The following PPARGC1A variants were observed in gnomAD, a reference collection of about 807,000 sequenced individuals.
The protein encoded by PPARGC1A is peroxisome proliferator-activated receptor gamma coactivator 1-alpha.
PPARGC1A carries 25 observed loss-of-function variants against 88.7 expected under a neutral mutation model. The ratio of observed to expected loss-of-function variants is 0.28; its 90% confidence interval spans 0.21 to 0.39. The LOEUF (loss-of-function observed/expected upper bound fraction) is 0.39, where lower values mean the gene tolerates loss of function less well. Ranked by LOEUF, PPARGC1A falls within the 10% of genes least tolerant of loss-of-function variation. The pLI is 1.00. For synonymous variants in PPARGC1A, 363 were observed against 355.6 expected, an observed-to-expected ratio of 1.02 and a Z score of -0.24; for missense variants, 880 against 968.7, an observed-to-expected ratio of 0.91 and a Z score of 1.22.
At chr4:24,144,182 G>T in the PPARGC1A span, among the ~76,000 whole-genome samples, 1 of 152,204 alleles carries the variant, frequency 6.6e-6, no homozygotes, top group South Asian at 2.1e-4. Flanking sequence ...TCACGGTTTA[G>T]TCCTGTGATG....
chr4:23,826,763 C>T (rs1331425835), intron 5 of PPARGC1A, among the ~76,000 whole-genome samples: 1 of 151,998 alleles, frequency 6.6e-6, no homozygotes, highest in Non-Finnish European at 1.5e-5. Flanking sequence ...TTGTACCTTG[C>T]CACAGATATA....
chr4:24,461,836 C>T, the PPARGC1A span, among the ~76,000 whole-genome samples: 2 of 152,164 alleles, frequency 1.3e-5, no homozygotes, highest in African/African-American at 4.8e-5. Context: ...CCCAGATGCT[C>T]TCCATTTCTT....
chr4:23,812,135 T>C (rs536942800), intron 10 of PPARGC1A, among the ~76,000 whole-genome samples: 3 of 151,868 alleles, frequency 2.0e-5, no homozygotes, highest in Non-Finnish European at 2.9e-5. Flanking sequence ...TGTCGTTTCC[T>C]GTTTCCTATG....
chr4:23,827,565 C>T (rs1025907109), intron 5 of PPARGC1A, among the ~76,000 whole-genome samples: 1 of 152,134 alleles, frequency 6.6e-6, no homozygotes, highest in Non-Finnish European at 1.5e-5. Flanking sequence ...AAGACCACGA[C>T]ATTTTGAGAA....
the PPARGC1A span, among the ~76,000 whole-genome samples, chr4:24,426,813 G>C: frequency 6.6e-6 from 1 of 152,166 alleles, no homozygotes; most frequent in Admixed American, 6.5e-5. Context: ...ATGTACCTTA[G>C]GGCAATAGTT....
At chr4:24,278,558 C>T in the PPARGC1A span, among the ~76,000 whole-genome samples, 1 of 151,796 alleles carries the variant, frequency 6.6e-6, no homozygotes, top group South Asian at 2.1e-4. Flanking sequence ...ATTTTTTTTG[C>T]AAAAAGTTAT....
chr4:24,146,651 T>A, the PPARGC1A span, among the ~76,000 whole-genome samples: 5,317 of 152,254 alleles, frequency 0.035, 316 homozygotes, highest in African/African-American at 0.12. Context: ...ATGCTGCCTA[T>A]ATGAGGCCTG....
chr4:24,012,876 G>T, the PPARGC1A span, among the ~76,000 whole-genome samples: 1 of 152,134 alleles, frequency 6.6e-6, no homozygotes, highest in African/African-American at 2.4e-5. Flanking sequence ...GAGAAACAAG[G>T]TTTTGTGATT....
the PPARGC1A span, among the ~76,000 whole-genome samples, chr4:24,332,781 G>A: frequency 2.6e-5 from 4 of 152,200 alleles, no homozygotes; most frequent in Admixed American, 6.5e-5. Context: ...TAACAGATGC[G>A]ATAGTCTATT....
At chr4:23,926,885 A>G in the PPARGC1A span, among the ~76,000 whole-genome samples, 1 of 152,198 alleles carries the variant, frequency 6.6e-6, no homozygotes, top group Non-Finnish European at 1.5e-5. Flanking sequence ...CAATGAGCTC[A>G]TTGACAGCAG....
intron 2 of PPARGC1A, among the ~76,000 whole-genome samples, chr4:23,874,070 T>C (rs933694018): frequency 6.6e-6 from 1 of 150,820 alleles, no homozygotes; most frequent in African/African-American, 2.5e-5. Flanking sequence ...CTCTCAACAA[T>C]TCTGGGGGAA....
the PPARGC1A span, among the ~76,000 whole-genome samples, chr4:23,930,528 G>A: frequency 2.6e-5 from 4 of 151,958 alleles, no homozygotes; most frequent in African/African-American, 9.7e-5. Context: ...TCAGTTACAA[G>A]GTATAAAAAA....
At chr4:24,400,894 G>C in the PPARGC1A span, among the ~76,000 whole-genome samples, 1 of 151,968 alleles carries the variant, frequency 6.6e-6, no homozygotes, top group Non-Finnish European at 1.5e-5. Flanking sequence ...AGGACAAATG[G>C]AGCATTCTTT....
the PPARGC1A span, among the ~76,000 whole-genome samples, chr4:24,427,641 G>A: frequency 2.0e-5 from 3 of 152,118 alleles, no homozygotes; most frequent in South Asian, 2.1e-4. Flanking sequence ...ATAGGTGGGT[G>A]GGCCAATATC....
At chr4:24,166,270 G>A in the PPARGC1A span, among the ~76,000 whole-genome samples, 2 of 152,176 alleles carry the variant, frequency 1.3e-5, no homozygotes, top group Non-Finnish European at 2.9e-5. Context: ...GCTGGCAGGG[G>A]TTAGTTCATG....
chr4:24,004,272 A>G, the PPARGC1A span, among the ~76,000 whole-genome samples: 1 of 152,204 alleles, frequency 6.6e-6, no homozygotes, highest in African/African-American at 2.4e-5. Context: ...AGAGGAAACA[A>G]TACTTTTAAA....
chr4:24,359,632 A>T, the PPARGC1A span, among the ~76,000 whole-genome samples: 1 of 152,202 alleles, frequency 6.6e-6, no homozygotes, highest in East Asian at 1.9e-4. Context: ...AGATGTGGTC[A>T]TACTGGTTCA....
At chr4:24,027,193 G>T in the PPARGC1A span, among the ~76,000 whole-genome samples, 1 of 141,872 alleles carries the variant, frequency 7.0e-6, no homozygotes, top group East Asian at 2.1e-4. Context: ...CTGACCTCAG[G>T]CTAGTGTGTG....
At chr4:23,996,449 A>T in the PPARGC1A span, among the ~76,000 whole-genome samples, 1 of 152,116 alleles carries the variant, frequency 6.6e-6, no homozygotes, top group Non-Finnish European at 1.5e-5. Flanking sequence ...ATACCCCATG[A>T]AGCAAGTTTG....
Sources: gnomAD v4.1 joint callset for allele counts (sites outside exome capture counted in the v4.1 genomes callset) on GRCh38, gnomAD v4.1.1 for gene constraint, MANE v1.5 for transcripts, NCBI Gene and HGNC (gene_info 2026-07-23, HGNC 2026-07-21) for gene names.